KSR2: variants seen among roughly 807,000 people sequenced by gnomAD.
KSR2 encodes the protein kinase suppressor of ras 2.
KSR2 carries 25 observed loss-of-function variants against 107.8 expected under a neutral mutation model. That is an observed-to-expected ratio of 0.23 (90% CI 0.17 to 0.32). The LOEUF is 0.32. KSR2 is among the 10% of genes least tolerant of loss of function. KSR2 has a pLI of 1.00. For synonymous variants in KSR2, 480 were observed against 507.0 expected, an observed-to-expected ratio of 0.95 and a Z score of 0.71; for missense variants, 887 against 1,268.9, an observed-to-expected ratio of 0.70 and a Z score of 4.57.
chr12:117,908,134 T>C (rs931440087), intron 1 of KSR2, among the ~76,000 whole-genome samples: 4 of 152,198 alleles, frequency 2.6e-5, no homozygotes, highest in African/African-American at 9.7e-5. Flanking sequence ...ATGATTTATA[T>C]ATGGAAAAGC....
rs181867923 is a variant in KSR2, at chr12:117,512,902, G to T, written c.2219+11950C>A. On this transcript the variant is annotated intron_variant, in intron 14 of 19. Coordinates refer to ENST00000339824, the MANE Select transcript of KSR2 (RefSeq NM_173598.6). ...CATTAACAGAACCTTGCTGCCCATA[G>T]GCAGAAGGGATTTCTGGGCACTGGA... Among the ~76,000 whole-genome samples the T allele has an allele frequency of 3.3e-5, 5 of 152,230 alleles. 1 individual carries two copies. Among genetic ancestry groups the T allele is most frequent in the Non-Finnish European group, 7.4e-5 (5 of 68,010 alleles).
chr12:117,839,080 T>G (rs1197599156), intron 3 of KSR2, among the ~76,000 whole-genome samples: 2 of 152,092 alleles, frequency 1.3e-5, no homozygotes, highest in Non-Finnish European at 2.9e-5. Context: ...AGAGAGAAAA[T>G]CTCTCATTAT....
chr12:117,938,125 A>G (rs1485530258), intron 1 of KSR2, among the ~76,000 whole-genome samples: 1 of 152,106 alleles, frequency 6.6e-6, no homozygotes, highest in Non-Finnish European at 1.5e-5. Flanking sequence ...GTCTCTAGCT[A>G]ATGCTGTCAT....
intron 1 of KSR2, among the ~76,000 whole-genome samples, chr12:117,889,223 A>G (rs1391126461): frequency 1.3e-5 from 2 of 152,180 alleles, no homozygotes; most frequent in African/African-American, 4.8e-5. Context: ...GGAAAATCCA[A>G]GCATGAGAGG....
At chr12:117,866,954 C>A (rs573398742) in intron 1 of KSR2, among the ~76,000 whole-genome samples, 20 of 152,250 alleles carry the variant, frequency 1.3e-4, no homozygotes, top group Middle Eastern at 6.8e-3. Flanking sequence ...GTTCTGACTC[C>A]TTAAACTATT....
chr12:117,946,015 A>ATCTC (rs1896170029), intron 1 of KSR2, among the ~76,000 whole-genome samples: 1 of 152,204 alleles, frequency 6.6e-6, no homozygotes, highest in Non-Finnish European at 1.5e-5. Flanking sequence ...AAATTAGAAA[A>ATCTC]TATTATGAAC....
intron 14 of KSR2, among the ~76,000 whole-genome samples, chr12:117,506,032 G>A (rs936803852): frequency 1.3e-5 from 2 of 152,138 alleles, no homozygotes; most frequent in East Asian, 1.9e-4. Flanking sequence ...ATAAAGCCCC[G>A]CAGCTCCAGT....
At chr12:117,578,820 G>GT (rs1879457720) in intron 7 of KSR2, among the ~76,000 whole-genome samples, 1 of 152,160 alleles carries the variant, frequency 6.6e-6, no homozygotes, top group African/African-American at 2.4e-5. Flanking sequence ...GTCAACTCGA[G>GT]TAAGAATTTG....
chr12:117,887,546 C>G (rs1894211855), intron 1 of KSR2, among the ~76,000 whole-genome samples: 1 of 152,152 alleles, frequency 6.6e-6, no homozygotes, highest in South Asian at 2.1e-4. Flanking sequence ...CTTGACCAGT[C>G]CTGAGAATCC....
At chr12:117,634,194 T>C (rs1269371263) in intron 5 of KSR2, among the ~76,000 whole-genome samples, 1 of 152,000 alleles carries the variant, frequency 6.6e-6, no homozygotes, top group African/African-American at 2.4e-5. Context: ...GCTTATCCCA[T>C]AACAAATCCC....
intron 1 of KSR2, among the ~76,000 whole-genome samples, chr12:117,884,922 G>C (rs185656168): frequency 2.0e-5 from 3 of 152,148 alleles, no homozygotes. Flanking sequence ...CATAGCACCT[G>C]CCGTGTAGGA....
chr12:117,709,323 T>C lies in KSR2; in HGVS notation c.987-41665A>G, dbSNP rs182287480. ...GAACATGACCTGCACCCAACAATCA[T>C]TGGGCTATATGTTTTATTTTTGTTT... On this transcript the variant is annotated intron_variant, in intron 4 of 19. Coordinates refer to ENST00000339824, the MANE Select transcript of KSR2 (RefSeq NM_173598.6). 5.3e-5 allele frequency among the ~76,000 whole-genome samples: 8 copies of C among 152,126 alleles called. No individual in the cohort carries two copies. In the East Asian group the frequency reaches 5.8e-4, roughly 11 times the overall value.
chr12:117,544,525 G>A (rs747031689), intron 9 of KSR2, among the ~76,000 whole-genome samples: 16 of 151,772 alleles, frequency 1.1e-4, no homozygotes, highest in East Asian at 7.8e-4. Flanking sequence ...AGGCTGAGGC[G>A]GAAGAATCAC....
At chr12:117,642,324 A>G (rs1351043601) in intron 5 of KSR2, among the ~76,000 whole-genome samples, 1 of 152,210 alleles carries the variant, frequency 6.6e-6, no homozygotes, top group Non-Finnish European at 1.5e-5. Context: ...CACTCAAAAA[A>G]TGTTTCTGAT....
chr12:117,767,318 G>A (rs1566003699), intron 3 of KSR2, among the ~76,000 whole-genome samples: 1 of 151,322 alleles, frequency 6.6e-6, no homozygotes, highest in Non-Finnish European at 1.5e-5. Context: ...CCAGCTACTC[G>A]GGAGGATGAG....
intron 1 of KSR2, among the ~76,000 whole-genome samples, chr12:117,892,758 G>A (rs116627690): frequency 0.019 from 1,413 of 73,182 alleles, 24 homozygotes; most frequent in African/African-American, 0.063. Flanking sequence ...TCTCTTTAAA[G>A]AAAAGTTTGC....
intron 1 of KSR2, among the ~76,000 whole-genome samples, chr12:117,917,923 T>C (rs1326130538): frequency 6.6e-6 from 1 of 152,196 alleles, no homozygotes; most frequent in Admixed American, 6.5e-5. Flanking sequence ...AACTGGCTTC[T>C]CTTGAAAAAG....
intron 4 of KSR2, among the ~76,000 whole-genome samples, chr12:117,682,652 C>T (rs1885416790): frequency 1.3e-5 from 2 of 152,068 alleles, no homozygotes; most frequent in Non-Finnish European, 2.9e-5. Flanking sequence ...CTCCCGACCT[C>T]GGCTGACCCG....
chr12:117,814,027 C>T (rs1367944045), intron 3 of KSR2, among the ~76,000 whole-genome samples: 2 of 152,184 alleles, frequency 1.3e-5, no homozygotes, highest in East Asian at 1.9e-4. Context: ...TAAGAACAAA[C>T]ACTACATGTT....
Sources: gnomAD v4.1 joint callset for allele counts (sites outside exome capture counted in the v4.1 genomes callset) on GRCh38, gnomAD v4.1.1 for gene constraint, MANE v1.5 for transcripts, NCBI Gene and HGNC (gene_info 2026-07-23, HGNC 2026-07-21) for gene names.